Variants in ESCO1 observed in about 807,000 individuals in gnomAD.
ESCO1 encodes establishment of sister chromatid cohesion N-acetyltransferase 1, also known as N-acetyltransferase ESCO1.
A neutral mutation model predicts 83.5 loss-of-function variants in ESCO1; 33 were observed. The ratio of observed to expected loss-of-function variants is 0.40; its 90% CI spans 0.30 to 0.53. The LOEUF is 0.53. Among genes scored for constraint, ESCO1 ranks in the 20% least tolerant of loss-of-function variants. The pLI is 0.63. For synonymous variants in ESCO1, 332 were observed against 324.3 expected (o/e 1.02, Z -0.25); for missense variants, 855 against 968.0 (o/e 0.88, Z 1.55).
chr18:21,579,952 G>A (rs1191889380), intron 2 of ESCO1, among the ~76,000 whole-genome samples: 1 of 150,156 alleles, frequency 6.7e-6, no homozygotes, highest in Non-Finnish European at 1.5e-5. Context: ...CTGGAGTGCA[G>A]TGGCGCAATC....
intron 8 of ESCO1, chr18:21,540,831 TTG>T (rs1247777007): frequency 1.3e-6 from 1 of 778,934 alleles, no homozygotes; most frequent in African/African-American, 1.9e-5. Context: ...GTTGTTCCAG[TTG>T]TCTTAACCCA....
chr18:21,582,582 T>C lies in ESCO1; in HGVS notation c.-694+1728A>G, dbSNP rs138867380. On this transcript the variant is annotated intron_variant, in intron 2 of 11. Transcript: ENST00000269214. Reference sequence around the variant, plus strand: ...AGAAAGGCTTAACTTTTAAGCCTTGTCACAAAATTGAGAAGCCAAGTTTGA... The same window carrying C: ...AGAAAGGCTTAACTTTTAAGCCTTGCCACAAAATTGAGAAGCCAAGTTTGA... Among the ~76,000 whole-genome samples the C allele has an allele frequency of 1.5e-3, 225 of 152,252 alleles. 2 individuals carry two copies. Among genetic ancestry groups the C allele is most frequent in the Non-Finnish European group, 5.0e-4 (34 of 68,016 alleles).
intron 1 of ESCO1, among the ~76,000 whole-genome samples, chr18:21,591,675 T>A (rs1217853755): frequency 5.3e-5 from 8 of 151,018 alleles, no homozygotes; most frequent in Admixed American, 1.3e-4. Context: ...TTTTTTTTTT[T>A]AATTTTTATT....
intron 5 of ESCO1, 126 bp from the exon 6 acceptor site, chr18:21,566,332 A>C: frequency 1.2e-6 from 1 of 803,104 alleles, no homozygotes; most frequent in East Asian, 2.6e-5. Context: ...TTTAATAAAG[A>C]CCATCTGATA....
In ESCO1 at chr18:21,574,289, G is replaced by C. The variant is rs745502936; in HGVS notation, c.555C>G (p.Asp185Glu). 1.2e-6 allele frequency: 2 copies of C among 1,613,718 alleles called. No individual in the cohort carries two copies. Among genetic ancestry groups the C allele is most frequent in the Admixed American group, 1.7e-5 (1 of 59,952 alleles). The change falls in exon 4 of 12, where the codon GAC (aspartate) becomes GAG (glutamate). Residue 185 changes from aspartate (D) to glutamate (E), a missense_variant. By Grantham distance (45) the Asp-to-Glu change is conservative. Transcript: ENST00000269214. ...VKRKVLEVKS[D>E]SKEDENLVIN... The stretch of plus-strand genomic sequence containing the variant: ...TTACTAGATTTTCATCTTCTTTAGA[G>C]TCAGACTTTACTTCCAGTACTTTTC...
intron 1 of ESCO1, among the ~76,000 whole-genome samples, chr18:21,593,689 TACA>T (rs1403624204): frequency 6.6e-6 from 1 of 151,288 alleles, no homozygotes; most frequent in East Asian, 1.9e-4. Context: ...ATTTCAACTA[TACA>T]ACCTTTTAAC....
intron 2 of ESCO1, among the ~76,000 whole-genome samples, chr18:21,579,703 T>C: frequency 6.8e-6 from 1 of 146,080 alleles, no homozygotes; most frequent in Middle Eastern, 3.6e-3. Context: ...ACCAAGGAGG[T>C]GGAGGTTGCA....
chr18:21,539,314 A>G (rs905311779), intron 9 of ESCO1, among the ~76,000 whole-genome samples: 2 of 152,154 alleles, frequency 1.3e-5, no homozygotes, highest in Non-Finnish European at 2.9e-5. Context: ...TTTAGTTGGC[A>G]TTATTCACTT....
At chr18:21,585,916 A>C (rs1025438578) in intron 1 of ESCO1, among the ~76,000 whole-genome samples, 3 of 152,264 alleles carry the variant, frequency 2.0e-5, no homozygotes, top group Middle Eastern at 3.4e-3. Flanking sequence ...TTTTATTGAT[A>C]CATAATGATT....
At chr18:21,595,736 G>C (rs1277141421) in intron 1 of ESCO1, among the ~76,000 whole-genome samples, 1 of 150,718 alleles carries the variant, frequency 6.6e-6, no homozygotes, top group African/African-American at 2.4e-5. Context: ...GGCCAAGGAG[G>C]GGGGATCACG....
Position 21,566,253 on chromosome 18 carries a change from G to A in ESCO1, c.1646-47C>T, listed in dbSNP as rs561062845. ...GGGTTATATATTGAGTTTTATACTA[G>A]TTTTCCATCTAATGGATAAAATCAT... On this transcript the variant is annotated intron_variant, in intron 5 of 11. Transcript: ENST00000269214. The A allele has an allele frequency of 2.9e-5, 44 of 1,523,230 alleles. 1 individual carries two copies. The South Asian group carries it at 4.7e-4, about 16-fold the overall frequency. The allele number at this position is 1,523,230 out of a possible 1,614,324, so 94.4% of individuals were successfully genotyped here. A position where few individuals can be genotyped will look rare whatever the true frequency, so the allele number is the denominator to read the frequency against.
intron 6 of ESCO1, among the ~76,000 whole-genome samples, chr18:21,565,234 GCTAT>G (rs1348796727): frequency 5.3e-5 from 8 of 152,162 alleles, no homozygotes; most frequent in East Asian, 1.9e-4. Context: ...TATAGTTTTA[GCTAT>G]CTAAGTCATT....
At chr18:21,575,824 GA>G in intron 2 of ESCO1, 47 bp from the exon 3 acceptor site, 3 of 396,670 alleles carry the variant, frequency 7.6e-6, no homozygotes, top group Non-Finnish European at 8.9e-6. Flanking sequence ...ACAAAGGAAA[GA>G]TGTAATCATC....
chr18:21,544,000 G>A (rs556663763), intron 8 of ESCO1, among the ~76,000 whole-genome samples: 7 of 152,122 alleles, frequency 4.6e-5, no homozygotes, highest in South Asian at 4.1e-4. Flanking sequence ...TTGGCCAAGC[G>A]CAGTGGCTCA....
chr18:21,579,104 C>T (rs1598473969), intron 2 of ESCO1, among the ~76,000 whole-genome samples: 1 of 152,244 alleles, frequency 6.6e-6, no homozygotes, highest in African/African-American at 2.4e-5. Context: ...TCATGAACTG[C>T]CTGCCTCGGC....
intron 8 of ESCO1, among the ~76,000 whole-genome samples, chr18:21,553,017 T>C (rs1394398730): frequency 6.6e-6 from 1 of 152,192 alleles, no homozygotes; most frequent in Non-Finnish European, 1.5e-5. Context: ...TGGCCAGGCA[T>C]GGTGGCTCCC....
intron 7 of ESCO1, among the ~76,000 whole-genome samples, chr18:21,562,539 G>A (rs2038202127): frequency 6.6e-6 from 1 of 151,858 alleles, no homozygotes; most frequent in Non-Finnish European, 1.5e-5. Flanking sequence ...TATTCAGCAG[G>A]CTGAGGTGAG....
chr18:21,559,573 T>C (rs1355598822), intron 8 of ESCO1, among the ~76,000 whole-genome samples: 10 of 152,246 alleles, frequency 6.6e-5, no homozygotes, highest in East Asian at 1.9e-4. Context: ...AATTGAATAA[T>C]GTACACTGAG....
At chr18:21,582,901 T>C (rs939754295) in intron 2 of ESCO1, among the ~76,000 whole-genome samples, 4 of 152,354 alleles carry the variant, frequency 2.6e-5, no homozygotes, top group Admixed American at 1.3e-4. Context: ...TCAAACAGTT[T>C]AATTTCACGC....
Sources: gnomAD v4.1 joint callset for allele counts (sites outside exome capture counted in the v4.1 genomes callset) on GRCh38, gnomAD v4.1.1 for gene constraint, MANE v1.5 for transcripts, NCBI Gene and HGNC (gene_info 2026-07-23, HGNC 2026-07-21) for gene names.